The following CERS6 variants were observed in gnomAD, a reference collection of about 807,000 sequenced individuals.
CERS6 encodes LAG1 homolog, ceramide synthase 6.
A neutral mutation model predicts 56.8 loss-of-function variants in CERS6; 26 were observed. The observed-to-expected ratio is 0.46, with a 90% CI of 0.34 to 0.63. The LOEUF is 0.63. CERS6 is among the 30% of genes least tolerant of loss of function. CERS6 has a pLI of 0.01. For missense variants in CERS6, 415 were observed against 467.5 expected, an observed-to-expected ratio of 0.89 and a Z score of 1.04; for synonymous variants, 164 against 173.3, an observed-to-expected ratio of 0.95 and a Z score of 0.42.
chr2:168,649,402 AAAAC>A (rs1685286852), intron 4 of CERS6, among the ~76,000 whole-genome samples: 1 of 152,252 alleles, frequency 6.6e-6, no homozygotes, highest in Non-Finnish European at 1.5e-5. Context: ...CAACCCCTAA[AAAAC>A]AAACCAATTC....
At chr2:168,490,800 C>T (rs1041723389) in intron 1 of CERS6, among the ~76,000 whole-genome samples, 1 of 152,146 alleles carries the variant, frequency 6.6e-6, no homozygotes, top group Admixed American at 6.6e-5. Context: ...TTCTGCTTTA[C>T]AAAGTACGTC....
intron 8 of CERS6, among the ~76,000 whole-genome samples, chr2:168,742,611 A>G (rs1186291915): frequency 6.6e-6 from 1 of 152,242 alleles, no homozygotes; most frequent in African/African-American, 2.4e-5. Context: ...GATTGTGGGC[A>G]AATATCTAAA....
At position 168,632,529 on chromosome 2, in the gene CERS6, A is replaced by G. The variant is rs1684771316; in HGVS notation, c.465+1487A>G. Among the ~76,000 whole-genome samples, 3 of 152,158 alleles carry G rather than the reference A, an allele frequency of 2.0e-5. No homozygotes were observed. In the South Asian group the frequency reaches 6.2e-4, roughly 31 times the overall value. ...AATAAGACCATATGGCCCAGAGGCC[A>G]TTTGAATCGATTTAGAAGGATGAGT... On this transcript the variant is annotated intron_variant, in intron 4 of 9. Coordinates refer to ENST00000305747, the MANE Select transcript of CERS6 (RefSeq NM_203463.3).
chr2:168,501,682 G>C (rs1694583166), intron 1 of CERS6, among the ~76,000 whole-genome samples: 1 of 152,192 alleles, frequency 6.6e-6, no homozygotes, highest in South Asian at 2.1e-4. Flanking sequence ...ACTTTTGCCA[G>C]ACCAGCTGTC....
At chr2:168,580,893 C>G (rs1683391704) in intron 3 of CERS6, among the ~76,000 whole-genome samples, 1 of 151,976 alleles carries the variant, frequency 6.6e-6, no homozygotes, top group Admixed American at 6.6e-5. Context: ...AAGATAATGC[C>G]CTTTTTATCC....
chr2:168,768,414 G>C (rs1173826131), intron 9 of CERS6, among the ~76,000 whole-genome samples: 1 of 147,458 alleles, frequency 6.8e-6, no homozygotes, highest in Non-Finnish European at 1.5e-5. Flanking sequence ...TTTTTTTTAA[G>C]TTGAGACTGG....
chr2:168,733,115 T>C (rs530921584), intron 8 of CERS6, among the ~76,000 whole-genome samples: 12 of 152,242 alleles, frequency 7.9e-5, no homozygotes, highest in African/African-American at 2.9e-4. Context: ...TGCAAAACAA[T>C]AAAAGGAATA....
chr2:168,507,141 G>C (rs765570820), intron 1 of CERS6, among the ~76,000 whole-genome samples: 12 of 152,106 alleles, frequency 7.9e-5, no homozygotes, highest in Non-Finnish European at 1.8e-4. Flanking sequence ...AAGTGCTTCA[G>C]TATGCTTTTT....
intron 3 of CERS6, among the ~76,000 whole-genome samples, chr2:168,629,018 T>A (rs1684652631): frequency 6.6e-6 from 1 of 152,112 alleles, no homozygotes; most frequent in Non-Finnish European, 1.5e-5. Flanking sequence ...AAGTGCTTTT[T>A]CAAGTTGCAA....
At chr2:168,524,618 G>A (rs995871044) in intron 1 of CERS6, among the ~76,000 whole-genome samples, 1 of 152,146 alleles carries the variant, frequency 6.6e-6, no homozygotes, top group African/African-American at 2.4e-5. Context: ...CACTCAGGGG[G>A]TTGGGATGAG....
At chr2:168,585,408 C>T (rs1378188519) in intron 3 of CERS6, among the ~76,000 whole-genome samples, 1 of 152,254 alleles carries the variant, frequency 6.6e-6, no homozygotes, top group Non-Finnish European at 1.5e-5. Flanking sequence ...ATCCCTGTCT[C>T]TTCCCTGAAA....
intron 1 of CERS6, among the ~76,000 whole-genome samples, chr2:168,461,568 C>T (rs958171241): frequency 1.3e-5 from 2 of 151,512 alleles, no homozygotes; most frequent in African/African-American, 4.9e-5. Context: ...AGAGGGTTGG[C>T]ATTCTTTGCA....
chr2:168,550,292 C>T (rs868430998), intron 2 of CERS6, among the ~76,000 whole-genome samples: 1 of 152,112 alleles, frequency 6.6e-6, no homozygotes, highest in Non-Finnish European at 1.5e-5. Context: ...CCTCTTGCTT[C>T]AGCCTCTCAA....
chr2:168,518,640 G>T (rs1015874470), intron 1 of CERS6, among the ~76,000 whole-genome samples: 5 of 151,988 alleles, frequency 3.3e-5, no homozygotes, highest in Non-Finnish European at 4.4e-5. Context: ...GCTCTCTGAC[G>T]TGATCCCTTG....
rs139917900 is a variant in CERS6, at chr2:168,644,163, G to A, written c.465+13121G>A. On this transcript the variant is annotated intron_variant, in intron 4 of 9. Transcript: ENST00000305747. ...CATCAGGCAGCACATGGTAAGTGCT[G>A]TAGTGATGATGAAAATAGATGTCTA... 1.2e-4 allele frequency: 116 copies of A among 963,952 alleles called. No individual in the cohort carries two copies. In the East Asian group the frequency reaches 0.011, roughly 91 times the overall value. The allele number at this position is 963,952 out of a possible 1,614,324, so 59.7% of individuals were successfully genotyped here.
At chr2:168,750,550 C>T (rs886332566) in intron 8 of CERS6, among the ~76,000 whole-genome samples, 1 of 152,182 alleles carries the variant, frequency 6.6e-6, no homozygotes, top group African/African-American at 2.4e-5. Context: ...ACATTGTACT[C>T]TCAGCATTTT....
At chr2:168,734,075 TC>T (rs1683635802) in intron 8 of CERS6, among the ~76,000 whole-genome samples, 1 of 152,136 alleles carries the variant, frequency 6.6e-6, no homozygotes, top group African/African-American at 2.4e-5. Context: ...AGCTAAAAGC[TC>T]TAAAAGTTTT....
chr2:168,760,924 T>G (rs1373350698), intron 8 of CERS6, among the ~76,000 whole-genome samples: 1 of 152,000 alleles, frequency 6.6e-6, no homozygotes, highest in East Asian at 1.9e-4. Flanking sequence ...CCCGGCTAAT[T>G]TTTTGTGTGT....
intron 4 of CERS6, among the ~76,000 whole-genome samples, chr2:168,673,703 C>CT (rs1158434262): frequency 2.0e-5 from 3 of 152,164 alleles, no homozygotes; most frequent in Non-Finnish European, 4.4e-5. Flanking sequence ...CTATTCCCTG[C>CT]TTTTTCAGTA....
Sources: gnomAD v4.1 joint callset for allele counts (sites outside exome capture counted in the v4.1 genomes callset) on GRCh38, gnomAD v4.1.1 for gene constraint, MANE v1.5 for transcripts, NCBI Gene and HGNC (gene_info 2026-07-23, HGNC 2026-07-21) for gene names.